The following CSMD1 variants were observed in gnomAD, a reference collection of about 807,000 sequenced individuals.
CSMD1 encodes CUB and Sushi multiple domains 1, also known as CUB and sushi domain-containing protein 1.
A neutral mutation model predicts 417.5 loss-of-function variants in CSMD1; 213 were observed. That is an observed-to-expected ratio of 0.51 (90% CI 0.46 to 0.57). The LOEUF (loss-of-function observed/expected upper bound fraction) is 0.57, where lower values mean the gene tolerates loss of function less well. Ranked by LOEUF, CSMD1 falls within the 20% of genes least tolerant of loss-of-function variation. The probability of loss-of-function intolerance (pLI) is 0.00; values close to 1 mark genes in which losing one functional copy is unlikely to be tolerated. For missense variants in CSMD1, 6,923 were observed against 4,529.7 expected (o/e 1.53, Z -15.17); for synonymous variants, 2,862 against 1,736.8 (o/e 1.65, Z -16.11).
At chr8:4,832,877 A>G (rs1800236307) in intron 1 of CSMD1, among the ~76,000 whole-genome samples, 1 of 152,134 alleles carries the variant, frequency 6.6e-6, no homozygotes, top group African/African-American at 2.4e-5. Flanking sequence ...GAGAACTGCT[A>G]GATAACAGAA....
chr8:2,999,179 G>A (rs1807175086), intron 53 of CSMD1, among the ~76,000 whole-genome samples: 1 of 122,060 alleles, frequency 8.2e-6, no homozygotes, highest in Admixed American at 1.0e-4. Flanking sequence ...TTTTGAGATA[G>A]AGTCTTGGTC....
chr8:3,948,064 G>A (rs1811357392), intron 5 of CSMD1, among the ~76,000 whole-genome samples: 1 of 151,946 alleles, frequency 6.6e-6, no homozygotes, highest in African/African-American at 2.4e-5. Flanking sequence ...AAATTATCTG[G>A]GCATGGTGGC....
intron 12 of CSMD1, among the ~76,000 whole-genome samples, chr8:3,421,309 T>C (rs919504325): frequency 6.6e-6 from 1 of 152,192 alleles, no homozygotes; most frequent in Non-Finnish European, 1.5e-5. Context: ...CAGTTGGATA[T>C]AGGACGAGAA....
chr8:3,529,836 T>A (rs1797903808), intron 10 of CSMD1, among the ~76,000 whole-genome samples: 1 of 152,180 alleles, frequency 6.6e-6, no homozygotes, highest in Admixed American at 6.5e-5. Flanking sequence ...TCTGTAAGCC[T>A]ACATTTTCTT....
intron 23 of CSMD1, among the ~76,000 whole-genome samples, chr8:3,333,987 A>G (rs12677854): frequency 2.6e-5 from 4 of 152,190 alleles, no homozygotes; most frequent in Non-Finnish European, 1.5e-5. Context: ...TCCAAAATCT[A>G]GTTCTTAAAA....
At chr8:3,182,671 G>A (rs1174911137) in intron 36 of CSMD1, among the ~76,000 whole-genome samples, 1 of 52,716 alleles carries the variant, frequency 1.9e-5, no homozygotes, top group Admixed American at 2.2e-4. Context: ...CTGTCTATAA[G>A]AAGCTGTGTG....
chr8:3,129,166 C>G (rs1307078343), intron 41 of CSMD1, among the ~76,000 whole-genome samples: 1 of 152,082 alleles, frequency 6.6e-6, no homozygotes. Context: ...CGTGGGAATG[C>G]AGGACAAATA....
chr8:3,494,499 G>A (rs191262598), intron 10 of CSMD1, among the ~76,000 whole-genome samples: 5 of 152,252 alleles, frequency 3.3e-5, no homozygotes, highest in Non-Finnish European at 7.3e-5. Context: ...AGGAATGATA[G>A]ATAGATGATA....
chr8:3,818,094 C>T (rs932372613), intron 5 of CSMD1, among the ~76,000 whole-genome samples: 1 of 151,968 alleles, frequency 6.6e-6, no homozygotes, highest in Non-Finnish European at 1.5e-5. Context: ...GCCAGCCTGG[C>T]ACCATGTTAT....
chr8:4,020,911 T>A (rs1214679152), intron 4 of CSMD1, among the ~76,000 whole-genome samples: 1 of 152,220 alleles, frequency 6.6e-6, no homozygotes, highest in Non-Finnish European at 1.5e-5. Flanking sequence ...CTTCAGCAAT[T>A]GCTGAAACTT....
chr8:3,587,924 T>C (rs572373503), intron 8 of CSMD1, among the ~76,000 whole-genome samples: 3 of 152,262 alleles, frequency 2.0e-5, no homozygotes, highest in Non-Finnish European at 2.9e-5. Flanking sequence ...ATGTACTAAT[T>C]TGAAATGTGA....
intron 3 of CSMD1, among the ~76,000 whole-genome samples, chr8:4,338,564 G>A (rs934669000): frequency 1.3e-5 from 2 of 151,916 alleles, no homozygotes; most frequent in East Asian, 3.9e-4. Flanking sequence ...CTAATTTCTG[G>A]GTTTGATAAC....
chr8:4,765,681 C>T (rs570280951), intron 1 of CSMD1, among the ~76,000 whole-genome samples: 23 of 152,274 alleles, frequency 1.5e-4, no homozygotes, highest in African/African-American at 5.5e-4. Flanking sequence ...CTGGAGCAAA[C>T]GAAGGAGTGG....
chr8:3,088,827 G>A (rs942150556), intron 48 of CSMD1, among the ~76,000 whole-genome samples: 1 of 135,106 alleles, frequency 7.4e-6, no homozygotes, highest in African/African-American at 2.8e-5. Flanking sequence ...TCAATGGCTT[G>A]GAATCACTGT....
chr8:4,734,399 CT>C (rs1211272720), intron 1 of CSMD1, among the ~76,000 whole-genome samples: 2 of 151,508 alleles, frequency 1.3e-5, no homozygotes, highest in East Asian at 1.9e-4. Flanking sequence ...TGCAATTTTT[CT>C]TTTGTTTAGT....
intron 1 of CSMD1, among the ~76,000 whole-genome samples, chr8:4,691,772 G>A (rs1168808016): frequency 6.6e-6 from 1 of 152,206 alleles, no homozygotes. Context: ...GCAGTGGAAT[G>A]CTAAATTTTA....
At chr8:4,028,090 A>G (rs555220434) in intron 4 of CSMD1, among the ~76,000 whole-genome samples, 7 of 152,300 alleles carry the variant, frequency 4.6e-5, no homozygotes, top group African/African-American at 1.2e-4. Context: ...AAAGTAATTA[A>G]TAAGAAAAAA....
At chr8:4,813,626 G>A (rs1031412885) in intron 1 of CSMD1, among the ~76,000 whole-genome samples, 2 of 152,158 alleles carry the variant, frequency 1.3e-5, no homozygotes, top group Non-Finnish European at 2.9e-5. Context: ...TTCTAAAAGG[G>A]TCTCCAGAGC....
At chr8:3,475,590 T>C (rs138236625) in intron 11 of CSMD1, among the ~76,000 whole-genome samples, 3 of 152,184 alleles carry the variant, frequency 2.0e-5, no homozygotes, top group Non-Finnish European at 2.9e-5. Flanking sequence ...AACAAGAGAA[T>C]TGTATTAATC....
Sources: allele counts gnomAD v4.1 joint callset (sites outside exome capture counted in the v4.1 genomes callset), GRCh38; gene constraint gnomAD v4.1.1; transcripts MANE v1.5; gene names NCBI Gene and HGNC (gene_info 2026-07-23, HGNC 2026-07-21).